The following PCSK7 variants were observed in gnomAD, a reference collection of about 807,000 sequenced individuals.
PCSK7 encodes proprotein convertase subtilisin/kexin type 7, also known as lymphoma proprotein convertase.
A neutral mutation model predicts 73.3 loss-of-function variants in PCSK7; 38 were observed. The observed-to-expected ratio is 0.52, with a 90% CI of 0.40 to 0.68. The LOEUF is 0.68. Ranked by LOEUF, PCSK7 falls within the 30% of genes least tolerant of loss-of-function variation. The probability of loss-of-function intolerance (pLI) is 0.00; values close to 1 mark genes in which losing one functional copy is unlikely to be tolerated. For synonymous variants in PCSK7, 296 were observed against 383.8 expected (o/e 0.77, Z 2.68); for missense variants, 692 against 991.5 (o/e 0.70, Z 4.06).
In PCSK7 at chr11:117,224,771, T is replaced by C. The variant is rs1203997973; in HGVS notation, c.861-16A>G. 3 of 1,604,564 alleles carry C rather than the reference T, an allele frequency of 1.9e-6. No individual in the cohort carries two copies. The highest frequency in any genetic ancestry group is 1.7e-6 in the Non-Finnish European group (2 of 1,171,920). On this transcript the variant is annotated splice_polypyrimidine_tract_variant and intron_variant, in intron 6 of 16. Transcript: ENST00000320934. ...TGGTCCCCAGCTGTTGAGAAATAAA[T>C]ACCTAGAGGGGACAGCCAGAGCCAG...
intron 12 of PCSK7, chr11:117,216,006 C>G (rs898281345): frequency 6.6e-6 from 1 of 152,068 alleles, no homozygotes; most frequent in Non-Finnish European, 1.5e-5. Flanking sequence ...CCACACCTGG[C>G]TAATTTTATT....
intron 12 of PCSK7, chr11:117,215,716 T>A (rs368683210): frequency 0.23 from 33,769 of 147,586 alleles, 3,998 homozygotes; most frequent in South Asian, 0.26. Flanking sequence ...TTGTATCGTT[T>A]TTTTTTTTTT....
At position 117,208,833 on chromosome 11, in the gene PCSK7, A is replaced by T. The variant is rs575718004; in HGVS notation, c.1691+64T>A. 1,447 of 1,520,118 alleles carry T rather than the reference A, an allele frequency of 9.5e-4. 7 individuals are homozygous for T. In the African/African-American group the frequency reaches 0.017, roughly 18 times the overall value. 94.2% of individuals were successfully genotyped at this position (1,520,118 alleles called of 1,614,324 possible). A position where few individuals can be genotyped will look rare whatever the true frequency, so the allele number is the denominator to read the frequency against. On this transcript the variant is annotated intron_variant, in intron 13 of 16. Coordinates refer to ENST00000320934, the MANE Select transcript of PCSK7 (RefSeq NM_004716.4). The stretch of plus-strand genomic sequence containing the variant: ...GACAGTGCCAGGATCCACTTCTTCC[A>T]TTTCTTTTCCCTGGAAAGGCCCTTG...
intron 7 of PCSK7, 151 bp from the exon 8 acceptor site, chr11:117,224,367 C>T (rs747425506): frequency 4.6e-4 from 347 of 762,328 alleles, no homozygotes; most frequent in Non-Finnish European, 6.5e-4. Flanking sequence ...AGATGGACCC[C>T]GCATGTGAGG....
rs751234583 is a variant in PCSK7, at chr11:117,206,090, T to C, written c.2265A>G (p.Gln755=). Residue 755 remains glutamine, a synonymous_variant, in exon 17 of 17, where the codon CAA becomes CAG. Transcript: ENST00000320934. ...SDLLAPDLLE[Q]GDWSLSQNKS... ...TGTTCTGGGACAGGCTCCAGTCCCC[T>C]TGCTCCAGCAGGTCTGGGGCAAGGA... 21 of 1,563,996 alleles carry C rather than the reference T, an allele frequency of 1.3e-5. No homozygotes were observed. In the South Asian group the frequency reaches 2.1e-4, roughly 16 times the overall value.
At chr11:117,231,320 A>T (rs981809901) in intron 1 of PCSK7, 4 of 151,688 alleles carry the variant, frequency 2.6e-5, no homozygotes, top group African/African-American at 9.7e-5. Context: ...TTCATACTAC[A>T]TTTCTTCCTC....
At chr11:117,219,984 C>G in intron 9 of PCSK7, 1 of 386,168 alleles carries the variant, frequency 2.6e-6, no homozygotes, top group Non-Finnish European at 4.6e-6. Flanking sequence ...AGACTGAGTT[C>G]AAAGTTGTTA....
chr11:117,205,786 C>G lies in PCSK7; in HGVS notation c.*211G>C. On this transcript the variant is annotated 3_prime_UTR_variant, in exon 17 of 17. Transcript: ENST00000320934. ...CTGTCCAACACCTTCTCACCAAAAG[C>G]TCCCGTTTGGCTGGAGGCAGACCCT... 2.2e-6 allele frequency: 1 copy of G among 447,356 alleles called. No homozygotes were observed. 27.7% of individuals were successfully genotyped at this position (447,356 alleles called of 1,614,324 possible). A position where few individuals can be genotyped will look rare whatever the true frequency, so the allele number is the denominator to read the frequency against.
intron 12 of PCSK7, chr11:117,211,806 G>A (rs896178107): frequency 2.6e-5 from 4 of 152,248 alleles, no homozygotes; most frequent in Admixed American, 2.6e-4. Flanking sequence ...GAGCCACTAA[G>A]CTTGGGTTCT....
chr11:117,229,323 G>A (rs1429434766), intron 3 of PCSK7, 54 bp downstream of exon 3: 2 of 1,336,572 alleles, frequency 1.5e-6, no homozygotes, highest in Non-Finnish European at 2.1e-6. Context: ...GCCCATTAAA[G>A]AACTGGACTG....
At chr11:117,219,196 G>C (rs1347627786) in intron 10 of PCSK7, 32 bp from the exon 11 acceptor site, 1 of 1,464,332 alleles carries the variant, frequency 6.8e-7, no homozygotes, top group East Asian at 2.3e-5. Context: ...TTAGTCTCTT[G>C]CATTGCCAGT....
At position 117,229,414 on chromosome 11, in the gene PCSK7, T is replaced by C. The variant is rs1409829667; in HGVS notation, c.431A>G (p.His144Arg). Residue 144 changes from histidine (H) to arginine (R), a missense_variant, in exon 3 of 17, where the codon CAC becomes CGC. By Grantham distance (29) the His-to-Arg change is conservative. Coordinates refer to ENST00000320934, the MANE Select transcript of PCSK7 (RefSeq NM_004716.4). ...CTGCGGGTACTTGGGGTCGTTGAAG[T>C]GGACGCTGCGCTTGGCCCGCCTTAG... ...RLLRRAKRSV[H>R]FNDPKYPQQW... 1.3e-5 allele frequency: 21 copies of C among 1,608,696 alleles called. No individual in the cohort carries two copies. In the South Asian group the frequency reaches 1.9e-4, roughly 14 times the overall value.
chr11:117,226,830 T>C, intron 5 of PCSK7: 1 of 210,016 alleles, frequency 4.8e-6, no homozygotes, highest in Non-Finnish European at 8.8e-6. Context: ...TGACCATCAG[T>C]GGGACTGGGA....
chr11:117,204,474 A>G lies in PCSK7; in HGVS notation c.*1523T>C. The G allele has an allele frequency of 6.6e-7, 1 of 1,505,950 alleles. No individual in the cohort carries two copies. 93.3% of individuals were successfully genotyped at this position (1,505,950 alleles called of 1,614,324 possible). A position where few individuals can be genotyped will look rare whatever the true frequency, so the allele number is the denominator to read the frequency against. On this transcript the variant is annotated 3_prime_UTR_variant, in exon 17 of 17. Coordinates refer to ENST00000320934, the MANE Select transcript of PCSK7 (RefSeq NM_004716.4). ...TACCTTCAGCCCTGGCCAAGCTTTG[A>G]GGCTCTGTCACTGAGCAATGGTAAC...
intron 1 of PCSK7, among the ~76,000 whole-genome samples, chr11:117,231,532 G>A (rs2032666023): frequency 6.6e-6 from 1 of 152,200 alleles, no homozygotes; most frequent in African/African-American, 2.4e-5. Context: ...CACCACAGAT[G>A]TCAGGAAGAA....
At chr11:117,215,221 A>G (rs1471022337) in intron 12 of PCSK7, 1 of 151,550 alleles carries the variant, frequency 6.6e-6, no homozygotes, top group Non-Finnish European at 1.5e-5. Context: ...TTTGAGATGG[A>G]GTCTTGCTCT....
Position 117,219,693 on chromosome 11 carries a change from A to G in PCSK7, c.1221T>C (p.Ala407=), listed in dbSNP as rs559563560. 2 of 1,611,894 alleles carry G rather than the reference A, an allele frequency of 1.2e-6. No homozygotes were observed. Among genetic ancestry groups the G allele is most frequent in the East Asian group, 2.2e-5 (1 of 44,728 alleles). The change falls in exon 10 of 17, where the codon GCT becomes GCC. Residue 407 remains alanine, a synonymous_variant. Transcript: ENST00000320934. The part of the protein sequence containing the change: ...GCTEGHTGTS[A]AAPLAAGMIA... ...TCATGCCAGCTGCCAGAGGCGCTGC[A>G]GCTGAGGTCCCTGTGTGGCCCTCAG...
At position 117,218,326 on chromosome 11, in the gene PCSK7, T is replaced by A; in HGVS notation, c.1534+140A>T. On this transcript the variant is annotated intron_variant, in intron 12 of 16. Transcript: ENST00000320934. This position sits in a 1 kb window ranked among gnomAD's most constrained non-coding sequence, Gnocchi z 4.0. ...GAAGCAGTAACATGTCCTAAAATGG[T>A]CAAAGAAAACTCCACAGGTTTGGCT... 1 of 499,438 alleles carries A rather than the reference T, an allele frequency of 2.0e-6. No individual in the cohort carries two copies. Among genetic ancestry groups the A allele is most frequent in the Non-Finnish European group, 3.6e-6 (1 of 277,952 alleles). 30.9% of individuals were successfully genotyped at this position (499,438 alleles called of 1,614,324 possible).
chr11:117,230,076 T>C, intron 2 of PCSK7: 1 of 483,366 alleles, frequency 2.1e-6, no homozygotes, highest in Non-Finnish European at 3.6e-6. Context: ...CACCAGCGGA[T>C]GGCCTCCCAC....
Sources: allele counts gnomAD v4.1 joint callset (sites outside exome capture counted in the v4.1 genomes callset), GRCh38; gene constraint gnomAD v4.1.1; non-coding constraint Gnocchi (gnomAD v3.1); transcripts MANE v1.5; gene names NCBI Gene and HGNC (gene_info 2026-07-23, HGNC 2026-07-21).